Variants in MOSPD2 observed in about 807,000 individuals in gnomAD.
The protein encoded by MOSPD2 is motile sperm domain-containing protein 2.
A neutral mutation model predicts 41.7 loss-of-function variants in MOSPD2; 5 were observed. The ratio of observed to expected loss-of-function variants is 0.12; its 90% CI spans 0.06 to 0.25. The LOEUF is 0.25. Among genes scored for constraint, MOSPD2 ranks in the 10% least tolerant of loss-of-function variants. MOSPD2 has a pLI of 1.00. For synonymous variants in MOSPD2, 115 were observed against 126.9 expected (o/e 0.91, Z 0.63); for missense variants, 282 against 375.2 (o/e 0.75, Z 2.05).
At position 14,918,888 on chromosome X, in the gene MOSPD2, A is replaced by G; in HGVS notation, c.1419+106A>G. The G allele has an allele frequency of 7.5e-6, 4 of 530,049 alleles. No homozygotes were observed. The South Asian group carries it at 1.1e-4, about 15-fold the overall frequency. The allele number at this position is 530,049 out of a possible 1,213,427, so 43.7% of individuals were successfully genotyped here. ...AAGAAAAACATTTGGCATAGACACGATAGAAATACTGTCTTCTTTGTGAAG... is the reference window on the plus strand; with the variant it reads ...AAGAAAAACATTTGGCATAGACACGGTAGAAATACTGTCTTCTTTGTGAAG... On this transcript the variant is annotated intron_variant, in intron 14 of 14. Coordinates refer to ENST00000380492, the MANE Select transcript of MOSPD2 (RefSeq NM_152581.4).
intron 2 of MOSPD2, among the ~76,000 whole-genome samples, chrX:14,881,160 A>G (rs950729013): frequency 2.0e-4 from 22 of 110,303 alleles, no homozygotes; most frequent in Non-Finnish European, 4.0e-4. Context: ...CATCTAAAGT[A>G]TAACCTTTAG....
At chrX:14,886,278 G>A (rs905615529) in intron 2 of MOSPD2, among the ~76,000 whole-genome samples, 4 of 111,220 alleles carry the variant, frequency 3.6e-5, no homozygotes, top group African/African-American at 9.8e-5. Context: ...ATAGACCAAG[G>A]TCCATTATAT....
chrX:14,875,162 G>T (rs1193309264), intron 2 of MOSPD2, among the ~76,000 whole-genome samples: 1 of 112,079 alleles, frequency 8.9e-6, no homozygotes, highest in Non-Finnish European at 1.9e-5. Flanking sequence ...GAGATTAAGA[G>T]ATTTGCTCAA....
In MOSPD2 at chrX:14,892,653, T is replaced by C. The variant is rs989514006; in HGVS notation, c.80-70T>C. 1.9e-5 allele frequency: 16 copies of C among 832,330 alleles called. No individual in the cohort carries two copies. In the African/African-American group the frequency reaches 3.3e-4, roughly 17 times the overall value. 68.6% of individuals were successfully genotyped at this position (832,330 alleles called of 1,213,427 possible). ...TTGTCTTGGAAGTCTTTCTTCTCCT[T>C]TGCCATTAGTGGTTATTTTTCACTG... On this transcript the variant is annotated intron_variant, in intron 2 of 14. Transcript: ENST00000380492.
intron 2 of MOSPD2, among the ~76,000 whole-genome samples, chrX:14,888,195 T>TACACACACACACACACAC (rs773623825): frequency 1.1e-5 from 1 of 88,749 alleles, no homozygotes; most frequent in Admixed American, 1.4e-4. Flanking sequence ...GGAGAATATA[T>TACACACACACACACACAC]ACACACACAC....
intron 6 of MOSPD2, among the ~76,000 whole-genome samples, 169 bp downstream of exon 6, chrX:14,900,804 T>A (rs992681398): frequency 4.5e-5 from 5 of 111,616 alleles, no homozygotes; most frequent in African/African-American, 1.6e-4. Flanking sequence ...CAGAGGAAAG[T>A]TTTTCATAAG....
chrX:14,873,976 A>G (rs1181804573), intron 2 of MOSPD2: 1 of 415,480 alleles, frequency 2.4e-6, no homozygotes, highest in African/African-American at 2.5e-5. Context: ...TAAAGGGTTA[A>G]TGTAAGTTGG....
intron 5 of MOSPD2, among the ~76,000 whole-genome samples, chrX:14,899,531 C>T (rs866650302): frequency 2.3e-5 from 2 of 85,727 alleles, no homozygotes; most frequent in Non-Finnish European, 2.4e-5. Context: ...TATATATACA[C>T]ACAAAGGTAT....
chrX:14,902,917 AT>A, intron 6 of MOSPD2, 48 bp from the exon 7 acceptor site: 1 of 928,116 alleles, frequency 1.1e-6, no homozygotes, highest in Non-Finnish European at 1.6e-6. Context: ...GAGTGATATT[AT>A]TATAGAGGTA....
At chrX:14,877,594 G>A (rs910865354) in intron 2 of MOSPD2, among the ~76,000 whole-genome samples, 1 of 109,104 alleles carries the variant, frequency 9.2e-6, no homozygotes, top group African/African-American at 3.3e-5. Flanking sequence ...GCCTGCCTCG[G>A]CCTCCCAAAG....
At chrX:14,898,962 G>A (rs1307060837) in intron 5 of MOSPD2, among the ~76,000 whole-genome samples, 1 of 109,342 alleles carries the variant, frequency 9.1e-6, no homozygotes, top group Non-Finnish European at 1.9e-5. Flanking sequence ...TAAATTTCAA[G>A]GCAAAAAATA....
intron 2 of MOSPD2, among the ~76,000 whole-genome samples, chrX:14,878,606 TA>T (rs1327250256): frequency 2.7e-5 from 3 of 112,050 alleles, no homozygotes; most frequent in African/African-American, 9.7e-5. Context: ...GCTATTAAGT[TA>T]ATAGGTTGGT....
At chrX:14,886,546 CGAGAGA>C (rs138780913) in intron 2 of MOSPD2, among the ~76,000 whole-genome samples, 301 of 101,881 alleles carry the variant, frequency 3.0e-3, no homozygotes, top group Middle Eastern at 0.02. Flanking sequence ...CGCACACACA[CGAGAGA>C]GAGAGAGAGA....
At chrX:14,879,961 A>G (rs761903439) in intron 2 of MOSPD2, among the ~76,000 whole-genome samples, 1 of 110,281 alleles carries the variant, frequency 9.1e-6, no homozygotes, top group East Asian at 2.9e-4. Flanking sequence ...CTTCTGTGAA[A>G]ATTACTCCTT....
At position 14,921,012 on chromosome X, in the gene MOSPD2, G is replaced by T. The variant is rs140948021; in HGVS notation, c.*1203G>T. 1 of 758,533 alleles carries T rather than the reference G, an allele frequency of 1.3e-6. No homozygotes were observed. Among genetic ancestry groups the T allele is most frequent in the East Asian group, 1.4e-4 (1 of 7,001 alleles). 62.5% of individuals were successfully genotyped at this position (758,533 alleles called of 1,213,427 possible). On this transcript the variant is annotated 3_prime_UTR_variant, in exon 15 of 15. Coordinates refer to ENST00000380492, the MANE Select transcript of MOSPD2 (RefSeq NM_152581.4). ...TACTTGATATTCTGCCTTTGATATG[G>T]TAGTACCCACCCGGTATTCCTAAAA...
intron 2 of MOSPD2, among the ~76,000 whole-genome samples, chrX:14,890,304 G>A (rs754411484): frequency 2.7e-5 from 3 of 111,442 alleles, no homozygotes; most frequent in African/African-American, 6.5e-5. Context: ...TGACAAAATC[G>A]GGAAGTGTGC....
chrX:14,920,276 A>G lies in MOSPD2; in HGVS notation c.*467A>G, dbSNP rs905700843. On this transcript the variant is annotated 3_prime_UTR_variant, in exon 15 of 15. Coordinates refer to ENST00000380492, the MANE Select transcript of MOSPD2 (RefSeq NM_152581.4). Reference sequence around the variant, plus strand: ...TATATAGAAGAACATGTATATTGAGAAAGAAAACATACTTATATAGAGGAA... The same window carrying G: ...TATATAGAAGAACATGTATATTGAGGAAGAAAACATACTTATATAGAGGAA... The G allele has an allele frequency of 7.4e-5, 55 of 745,396 alleles. 1 individual carries two copies. The highest frequency in any genetic ancestry group is 8.1e-5 in the Non-Finnish European group (51 of 632,342). The allele number at this position is 745,396 out of a possible 1,213,427, so 61.4% of individuals were successfully genotyped here.
intron 10 of MOSPD2, among the ~76,000 whole-genome samples, chrX:14,912,961 A>C (rs927290044): frequency 1.8e-5 from 2 of 111,694 alleles, no homozygotes; most frequent in Admixed American, 9.5e-5. Context: ...TTTACTTGAA[A>C]CCTTTCTGTA....
At position 14,919,732 on chromosome X, in the gene MOSPD2, T is replaced by C. The variant is rs1380960859; in HGVS notation, c.1480T>C (p.Phe494Leu). The change falls in exon 15 of 15, where the codon TTC becomes CTC. Residue 494 changes from phenylalanine (F) to leucine (L), a missense_variant. Transcript: ENST00000380492. ...AGACCAAGTTCAGCGTTGTATCTGG[T>C]TCCAGCAGCTGCTGCTTTCCTTAAC... The part of the protein sequence containing the change: ...LEDQVQRCIW[F>L]QQLLLSLTML... The C allele has an allele frequency of 1.7e-6, 2 of 1,211,080 alleles. No homozygotes were observed. The highest frequency in any genetic ancestry group is 4.3e-5 in the Admixed American group (2 of 46,016).
Sources: gnomAD v4.1 joint callset for allele counts (sites outside exome capture counted in the v4.1 genomes callset) on GRCh38, gnomAD v4.1.1 for gene constraint, MANE v1.5 for transcripts, NCBI Gene and HGNC (gene_info 2026-07-23, HGNC 2026-07-21) for gene names.